Variants in ALDH2 observed in about 807,000 individuals in gnomAD.
ALDH2 encodes the protein aldehyde dehydrogenase, mitochondrial.
ALDH2 carries 44 observed loss-of-function variants against 59.6 expected under a neutral mutation model. The ratio of observed to expected loss-of-function variants is 0.74; its 90% confidence interval spans 0.58 to 0.95. The LOEUF (loss-of-function observed/expected upper bound fraction) is 0.95, where lower values mean the gene tolerates loss of function less well. Among genes scored for constraint, ALDH2 ranks in the 40% least tolerant of loss-of-function variants. The pLI is 0.00. For synonymous variants in ALDH2, 291 were observed against 284.0 expected (o/e 1.02, Z -0.25); for missense variants, 570 against 696.3 (o/e 0.82, Z 2.04).
intron 12 of ALDH2, among the ~76,000 whole-genome samples, chr12:111,805,618 C>G (rs1331784553): frequency 6.6e-6 from 1 of 152,206 alleles, no homozygotes; most frequent in Non-Finnish European, 1.5e-5. Context: ...CTACCACACC[C>G]AGCCTGGCTC....
intron 11 of ALDH2, among the ~76,000 whole-genome samples, chr12:111,802,847 T>C (rs1380533985): frequency 7.5e-6 from 1 of 132,862 alleles, no homozygotes; most frequent in Admixed American, 8.8e-5. Flanking sequence ...ACCACTGCAC[T>C]CCAGCCAGGG....
intron 3 of ALDH2, among the ~76,000 whole-genome samples, chr12:111,783,799 C>T (rs112924001): frequency 0.041 from 6,166 of 152,184 alleles, 419 homozygotes; most frequent in African/African-American, 0.14. Context: ...CGTGAGCCAC[C>T]GCACCTGGCC....
intron 4 of ALDH2, among the ~76,000 whole-genome samples, chr12:111,786,559 T>G (rs1019873391): frequency 2.1e-4 from 32 of 151,630 alleles, no homozygotes; most frequent in African/African-American, 6.8e-4. Context: ...TTTAATTTTT[T>G]TTTTTTGAGG....
rs775500247 is a variant in ALDH2, at chr12:111,813,936, AAAC to A, written c.*4367_*4369del. On this transcript the variant is annotated 3_prime_UTR_variant, in exon 13 of 13. Coordinates refer to ENST00000261733, the MANE Select transcript of ALDH2 (RefSeq NM_000690.4). ...AAATGCAACCAAATTGCTCACTTAA[AAAC>A]AACAAATTCAGGCCAGGTGCAGTGG... is the stretch of plus-strand genomic sequence containing the variant. 1.3e-5 allele frequency: 2 copies of A among 152,234 alleles called. No homozygotes were observed. The highest frequency in any genetic ancestry group is 2.4e-5 in the African/African-American group (1 of 41,440). 9.4% of individuals were successfully genotyped at this position (152,234 alleles called of 1,614,324 possible).
intron 12 of ALDH2, among the ~76,000 whole-genome samples, chr12:111,807,991 C>T (rs538660765): frequency 4.1e-4 from 63 of 152,026 alleles, no homozygotes; most frequent in Non-Finnish European, 7.6e-4. Context: ...ATTCTCATGC[C>T]TCAGCCACTT....
At position 111,770,991 on chromosome 12, in the gene ALDH2, C is replaced by T. The variant is rs763506754; in HGVS notation, c.114+3895C>T. 3.3e-5 allele frequency among the ~76,000 whole-genome samples: 5 copies of T among 151,788 alleles called. No individual in the cohort carries two copies. In the South Asian group the frequency reaches 1.0e-3, roughly 31 times the overall value. ...ATGGGGTTTTGCCATGTTGCCCAGG[C>T]TGGGTCTTGAACTTCTAGGCTCAAG... On this transcript the variant is annotated intron_variant, in intron 1 of 12. Coordinates refer to ENST00000261733, the MANE Select transcript of ALDH2 (RefSeq NM_000690.4).
Position 111,799,950 on chromosome 12 carries a change from G to A in ALDH2, c.1293G>A (p.Glu431=). 1.2e-6 allele frequency: 2 copies of A among 1,614,122 alleles called. No individual in the cohort carries two copies. The highest frequency in any genetic ancestry group is 2.7e-5 in the African/African-American group (2 of 75,082). ...AGATCCTGAAGTTCAAGACCATAGA[G>A]GAGGTTGTTGGGAGAGCCAACAATT... ...VMQILKFKTI[E]EVVGRANNST... Residue 431 remains glutamate (E), a synonymous_variant, in exon 11 of 13, where the codon GAG becomes GAA. Transcript: ENST00000261733.
chr12:111,771,992 C>T (rs889566969), intron 1 of ALDH2, among the ~76,000 whole-genome samples: 2 of 151,606 alleles, frequency 1.3e-5, no homozygotes, highest in Admixed American at 6.6e-5. Flanking sequence ...CCAGCTACTC[C>T]GGAGGCTGAG....
intron 12 of ALDH2, among the ~76,000 whole-genome samples, chr12:111,806,234 G>A (rs571110548): frequency 2.4e-4 from 35 of 148,262 alleles, no homozygotes; most frequent in African/African-American, 8.0e-4. Flanking sequence ...GAAGAATGGC[G>A]TGAACCCAGT....
At position 111,781,913 on chromosome 12, in the gene ALDH2, T is replaced by G; in HGVS notation, c.115-5T>G. Reference sequence around the variant, plus strand: ...TCCTGAGAACTTCTTTCCTTCTCATTGTAGATTTTCATAAACAATGAATGG... The same window carrying G: ...TCCTGAGAACTTCTTTCCTTCTCATGGTAGATTTTCATAAACAATGAATGG... On this transcript the variant is annotated splice_polypyrimidine_tract_variant and splice_region_variant and intron_variant, in intron 1 of 12. Transcript: ENST00000261733. 1 of 1,612,072 alleles carries G rather than the reference T, an allele frequency of 6.2e-7. No individual in the cohort carries two copies. The highest frequency in any genetic ancestry group is 8.5e-7 in the Non-Finnish European group (1 of 1,178,258).
At chr12:111,804,011 G>C (rs1182759606) in intron 12 of ALDH2, 38 bp downstream of exon 12, 2 of 1,501,580 alleles carry the variant, frequency 1.3e-6, no homozygotes, top group East Asian at 4.9e-5. Flanking sequence ...GGGCCTGTTG[G>C]GGCTTGAGGG....
At chr12:111,799,821 T>C in intron 10 of ALDH2, 85 bp from the exon 11 acceptor site, 2 of 1,468,236 alleles carry the variant, frequency 1.4e-6, no homozygotes. Context: ...TCCCCCAATC[T>C]GGAATCATCT....
chr12:111,769,417 T>TA (rs1333459947), intron 1 of ALDH2, among the ~76,000 whole-genome samples: 1 of 151,972 alleles, frequency 6.6e-6, no homozygotes, highest in African/African-American at 2.4e-5. Context: ...ACCCATCTCT[T>TA]AAAAAATAAA....
At chr12:111,790,217 A>T (rs75029020) in intron 5 of ALDH2, among the ~76,000 whole-genome samples, 2,353 of 152,282 alleles carry the variant, frequency 0.015, 71 homozygotes, top group African/African-American at 0.053. Flanking sequence ...GCATGGTGTC[A>T]CGGACATAAA....
intron 1 of ALDH2, among the ~76,000 whole-genome samples, chr12:111,772,971 T>G (rs2068212131): frequency 6.6e-6 from 1 of 150,464 alleles, no homozygotes; most frequent in African/African-American, 2.4e-5. Flanking sequence ...GAAATAGATT[T>G]AGGCAGGCTG....
At chr12:111,791,544 T>A in intron 7 of ALDH2, 125 bp downstream of exon 7, 2 of 729,470 alleles carry the variant, frequency 2.7e-6, no homozygotes, top group Non-Finnish European at 2.3e-6. Context: ...AGGACGACCC[T>A]GTAGGTACCA....
chr12:111,798,810 C>A (rs1041717350), intron 10 of ALDH2, among the ~76,000 whole-genome samples: 1 of 151,998 alleles, frequency 6.6e-6, no homozygotes, highest in African/African-American at 2.4e-5. Context: ...AGTTCGAGAC[C>A]AGCCTGGCCA....
intron 1 of ALDH2, among the ~76,000 whole-genome samples, chr12:111,773,893 T>C (rs1193552933): frequency 6.6e-6 from 1 of 152,136 alleles, no homozygotes; most frequent in African/African-American, 2.4e-5. Context: ...ATGTTTACAG[T>C]TTTGTGCTCC....
At chr12:111,800,539 C>T (rs981179059) in intron 11 of ALDH2, among the ~76,000 whole-genome samples, 28 of 152,306 alleles carry the variant, frequency 1.8e-4, no homozygotes, top group Admixed American at 9.2e-4. Context: ...ATCCTCCCAC[C>T]TCTGCCTCCT....
Sources: allele counts gnomAD v4.1 joint callset (sites outside exome capture counted in the v4.1 genomes callset), GRCh38; gene constraint gnomAD v4.1.1; transcripts MANE v1.5; gene names NCBI Gene and HGNC (gene_info 2026-07-23, HGNC 2026-07-21).